Variants in SLC25A21 observed in about 807,000 individuals in gnomAD.
SLC25A21 encodes solute carrier family 25 member 21.
A neutral mutation model predicts 43.8 loss-of-function variants in SLC25A21; 47 were observed. The ratio of observed to expected loss-of-function variants is 1.07; its 90% CI spans 0.85 to 1.37. The LOEUF is 1.37. Among genes scored for constraint, SLC25A21 ranks in the 40% most tolerant of loss-of-function variants. The pLI is 0.00. For missense variants in SLC25A21, 352 were observed against 350.2 expected, an observed-to-expected ratio of 1.00 and a Z score of -0.04; for synonymous variants, 131 against 121.3, an observed-to-expected ratio of 1.08 and a Z score of -0.52.
chr14:37,055,535 A>C (rs1961805501), intron 1 of SLC25A21, among the ~76,000 whole-genome samples: 1 of 152,122 alleles, frequency 6.6e-6, no homozygotes, highest in Admixed American at 6.5e-5. Context: ...GGAGCCTTAC[A>C]GCTTCAACCT....
intron 7 of SLC25A21, among the ~76,000 whole-genome samples, chr14:36,698,095 G>T (rs376586360): frequency 6.6e-6 from 1 of 152,126 alleles, no homozygotes; most frequent in African/African-American, 2.4e-5. Context: ...AGGAGCTCTT[G>T]TAAGGCAGGC....
chr14:36,932,716 G>C (rs958974862), intron 1 of SLC25A21, among the ~76,000 whole-genome samples: 3 of 151,890 alleles, frequency 2.0e-5, no homozygotes, highest in African/African-American at 7.3e-5. Context: ...CCTGAGAATA[G>C]TAAAACTATA....
At chr14:37,066,794 A>C (rs1173192741) in intron 1 of SLC25A21, among the ~76,000 whole-genome samples, 2 of 152,196 alleles carry the variant, frequency 1.3e-5, no homozygotes, top group Non-Finnish European at 1.5e-5. Context: ...CAATAAAGAT[A>C]AAGGCATAAA....
At chr14:37,135,018 C>A (rs1963454947) in intron 1 of SLC25A21, among the ~76,000 whole-genome samples, 1 of 151,704 alleles carries the variant, frequency 6.6e-6, no homozygotes, top group African/African-American at 2.4e-5. Context: ...GCCTCCACCT[C>A]ACAGGTTCAA....
intron 1 of SLC25A21, among the ~76,000 whole-genome samples, chr14:36,894,361 A>G (rs1046276263): frequency 6.6e-6 from 1 of 152,146 alleles, no homozygotes; most frequent in Non-Finnish European, 1.5e-5. Flanking sequence ...GGTATATAAG[A>G]ATGCTTGTGA....
chr14:36,879,090 C>T (rs1343506262), intron 1 of SLC25A21, among the ~76,000 whole-genome samples: 1 of 152,020 alleles, frequency 6.6e-6, no homozygotes, highest in Non-Finnish European at 1.5e-5. Context: ...ATCTTAAAAC[C>T]AGAAAAAAGT....
At chr14:36,911,154 CTAT>C (rs1278894374) in intron 1 of SLC25A21, among the ~76,000 whole-genome samples, 2 of 152,148 alleles carry the variant, frequency 1.3e-5, no homozygotes, top group Admixed American at 6.6e-5. Flanking sequence ...ATTACTACTA[CTAT>C]AACTACTACT....
chr14:37,077,932 A>G (rs1347792579), intron 1 of SLC25A21, among the ~76,000 whole-genome samples: 1 of 152,178 alleles, frequency 6.6e-6, no homozygotes, highest in African/African-American at 2.4e-5. Flanking sequence ...AAATCTATAG[A>G]CATTTTAAAA....
intron 3 of SLC25A21, among the ~76,000 whole-genome samples, chr14:36,779,182 T>C (rs1368003225): frequency 6.8e-6 from 1 of 147,418 alleles, no homozygotes; most frequent in African/African-American, 2.5e-5. Flanking sequence ...GATAATATTC[T>C]TTATATATAA....
intron 3 of SLC25A21, among the ~76,000 whole-genome samples, chr14:36,806,341 ATATATTC>A (rs1888040776): frequency 6.6e-6 from 1 of 152,142 alleles, no homozygotes; most frequent in Non-Finnish European, 1.5e-5. Flanking sequence ...GCTAACAATA[ATATATTC>A]TATACTTTCA....
At position 36,791,844 on chromosome 14, in the gene SLC25A21, CT is replaced by C. The variant is rs762766313; in HGVS notation, c.203+22073del. On this transcript the variant is annotated intron_variant, in intron 3 of 9. Coordinates refer to ENST00000331299, the MANE Select transcript of SLC25A21 (RefSeq NM_030631.4). ...GAGTCAACTTTGGGATGATCCTTAC[CT>C]TTGGTGGGAGTGGGGCACAACAGAT... Among the ~76,000 whole-genome samples the C allele has an allele frequency of 7.3e-4, 111 of 152,120 alleles. 1 individual carries two copies. The highest frequency in any genetic ancestry group is 1.6e-3 in the Admixed American group (25 of 15,256).
chr14:36,764,551 C>CCAAAACAAAACAAAA (rs3061622), intron 3 of SLC25A21, among the ~76,000 whole-genome samples: 1 of 126,592 alleles, frequency 7.9e-6, no homozygotes, highest in Non-Finnish European at 1.6e-5. Flanking sequence ...AAAAAAAAAG[C>CCAAAACAAAACAAAA]CAAAACAAAA....
intron 1 of SLC25A21, among the ~76,000 whole-genome samples, chr14:36,954,218 G>C (rs1490392589): frequency 6.6e-6 from 1 of 152,030 alleles, no homozygotes; most frequent in Non-Finnish European, 1.5e-5. Flanking sequence ...TGTAATTTCT[G>C]CCTCATGTTT....
intron 1 of SLC25A21, chr14:37,098,485 G>A (rs1348282439): frequency 6.6e-6 from 1 of 151,976 alleles, no homozygotes; most frequent in Admixed American, 6.6e-5. Context: ...CACCTCTCTG[G>A]GCCTCAAGTC....
intron 7 of SLC25A21, among the ~76,000 whole-genome samples, chr14:36,697,677 T>C (rs1386213655): frequency 6.6e-6 from 1 of 152,108 alleles, no homozygotes; most frequent in African/African-American, 2.4e-5. Context: ...GCCTTCTTTG[T>C]CTCTTTTGAT....
Position 37,172,269 on chromosome 14 carries a change from G to A in SLC25A21, c.70+12C>T, listed in dbSNP as rs768433446. The A allele has an allele frequency of 3.1e-5, 49 of 1,586,326 alleles. No individual in the cohort carries two copies. Among genetic ancestry groups the A allele is most frequent in the Non-Finnish European group, 3.9e-5 (45 of 1,166,354 alleles). On this transcript the variant is annotated intron_variant, in intron 1 of 9. Coordinates refer to ENST00000331299, the MANE Select transcript of SLC25A21 (RefSeq NM_030631.4). ...GACTAGCCTCCGGCGGGGCAGGGCGGGCTGTCCTTACCTGCAGAACCACCG... is the reference window on the plus strand; with the variant it reads ...GACTAGCCTCCGGCGGGGCAGGGCGAGCTGTCCTTACCTGCAGAACCACCG...
chr14:36,808,806 C>T (rs1333494508), intron 3 of SLC25A21: 4 of 152,106 alleles, frequency 2.6e-5, no homozygotes, highest in Non-Finnish European at 4.4e-5. Flanking sequence ...AGTTTTATGT[C>T]TTTCTCTACC....
intron 2 of SLC25A21, among the ~76,000 whole-genome samples, chr14:36,854,453 CTCT>C (rs1250161750): frequency 1.3e-5 from 2 of 152,180 alleles, no homozygotes; most frequent in Non-Finnish European, 2.9e-5. Context: ...AATTCTGGCT[CTCT>C]CCTTTCTCAT....
At chr14:37,033,561 A>G (rs1326110800) in intron 1 of SLC25A21, among the ~76,000 whole-genome samples, 1 of 152,214 alleles carries the variant, frequency 6.6e-6, no homozygotes, top group Non-Finnish European at 1.5e-5. Flanking sequence ...CCTAGAAGAA[A>G]CTTAGCACAC....
Sources: allele counts gnomAD v4.1 joint callset (sites outside exome capture counted in the v4.1 genomes callset), GRCh38; gene constraint gnomAD v4.1.1; transcripts MANE v1.5; gene names NCBI Gene and HGNC (gene_info 2026-07-23, HGNC 2026-07-21).